NEXN: variants seen among roughly 807,000 people sequenced by gnomAD.
NEXN encodes the protein nexilin.
Under a neutral mutation model 92.6 loss-of-function variants are expected in NEXN, and 65 were observed. The observed-to-expected ratio is 0.70, with a 90% CI of 0.57 to 0.86. The LOEUF (loss-of-function observed/expected upper bound fraction) is 0.86, where lower values mean the gene tolerates loss of function less well. Among genes scored for constraint, NEXN ranks in the 40% least tolerant of loss-of-function variants. The pLI is 0.00. For missense variants in NEXN, 778 were observed against 771.1 expected (o/e 1.01, Z -0.11); for synonymous variants, 254 against 242.5 (o/e 1.05, Z -0.44).
intron 9 of NEXN, among the ~76,000 whole-genome samples, chr1:77,932,696 CTT>C (rs1372854648): frequency 7.3e-6 from 1 of 137,724 alleles, no homozygotes; most frequent in Non-Finnish European, 1.5e-5. Context: ...TAAATTATTT[CTT>C]TGTCTTCACT....
rs754782491 is a variant in NEXN, at chr1:77,929,285, A to G, written c.865-31A>G. The G allele has an allele frequency of 2.7e-6, 4 of 1,456,430 alleles. No individual in the cohort carries two copies. The African/African-American group carries it at 4.2e-5, about 15-fold the overall frequency. The allele number at this position is 1,456,430 out of a possible 1,614,324, so 90.2% of individuals were successfully genotyped here. A position where few individuals can be genotyped will look rare whatever the true frequency, so the allele number is the denominator to read the frequency against. ...TCATTCCTTTTTCTGATGAACCTCAATTCTTAGTAATGAATTGTTTATTTG... is the reference window on the plus strand; with the variant it reads ...TCATTCCTTTTTCTGATGAACCTCAGTTCTTAGTAATGAATTGTTTATTTG... On this transcript the variant is annotated intron_variant, in intron 8 of 12. Transcript: ENST00000334785.
intron 1 of NEXN, among the ~76,000 whole-genome samples, chr1:77,890,490 T>G (rs1469601279): frequency 6.6e-6 from 1 of 152,216 alleles, no homozygotes; most frequent in African/African-American, 2.4e-5. Flanking sequence ...ATTGTCAAAA[T>G]GTATGTCATC....
At chr1:77,916,532 T>C (rs1188914869) in intron 2 of NEXN, among the ~76,000 whole-genome samples, 1 of 152,184 alleles carries the variant, frequency 6.6e-6, no homozygotes, top group Non-Finnish European at 1.5e-5. Context: ...GCCTTATATA[T>C]ATATTTTAAT....
rs727503344 is a variant in NEXN at position 77,942,445 on chromosome 1, ATTTAT to A, written c.1660-11_1660-7del. The A allele has an allele frequency of 2.4e-5, 39 of 1,611,374 alleles. 1 individual carries two copies. Among genetic ancestry groups the A allele is most frequent in the Non-Finnish European group, 3.0e-5 (35 of 1,178,084 alleles). On this transcript the variant is annotated splice_polypyrimidine_tract_variant and intron_variant, in intron 12 of 12. Transcript: ENST00000334785. ...ATACTATAAATGCCAACCTGAATGC[ATTTAT>A]TTTAATACAGAAAAGAGAAGAGGAG...
chr1:77,929,059 T>C (rs1045000291), intron 8 of NEXN, among the ~76,000 whole-genome samples: 7 of 152,252 alleles, frequency 4.6e-5, no homozygotes, highest in African/African-American at 1.4e-4. Flanking sequence ...AAAAATGTTT[T>C]AATATTCAAT....
chr1:77,890,865 A>G (rs1190971522), intron 1 of NEXN, among the ~76,000 whole-genome samples: 1 of 152,206 alleles, frequency 6.6e-6, no homozygotes, highest in Non-Finnish European at 1.5e-5. Flanking sequence ...TTTTTATAGA[A>G]GAGAGGACTG....
In NEXN at chr1:77,911,739, T is replaced by TTATA. The variant is rs34038877; in HGVS notation, c.-52-4297_-52-4294dup. On this transcript the variant is annotated intron_variant, in intron 1 of 12. Transcript: ENST00000334785. ...GGTCCTATCCCCAAGATAGCCTGTT[T>TTATA]TATATATATATATATATATATACAC... Among the ~76,000 whole-genome samples, 123 of 148,442 alleles carry TTATA rather than the reference T, an allele frequency of 8.3e-4. 1 individual carries two copies. The highest frequency in any genetic ancestry group is 3.5e-3 in the Middle Eastern group (1 of 282).
chr1:77,916,008 T>C (rs1453129592), intron 1 of NEXN, 47 bp from the exon 2 acceptor site: 4 of 610,000 alleles, frequency 6.6e-6, no homozygotes, highest in Non-Finnish European at 7.1e-6. Context: ...ATACATAATA[T>C]ATTACAAATA....
intron 1 of NEXN, among the ~76,000 whole-genome samples, chr1:77,910,748 C>CAAAA (rs751080251): frequency 2.8e-4 from 12 of 42,806 alleles, no homozygotes; most frequent in African/African-American, 6.0e-4. Flanking sequence ...GAGACTGTCT[C>CAAAA]AAAAAAAAAA....
chr1:77,896,752 C>T (rs1647277398), intron 1 of NEXN, among the ~76,000 whole-genome samples: 1 of 151,060 alleles, frequency 6.6e-6, no homozygotes, highest in African/African-American at 2.4e-5. Context: ...GAGCAAGACT[C>T]TGTCTAATTA....
At chr1:77,891,511 T>C (rs900637959) in intron 1 of NEXN, among the ~76,000 whole-genome samples, 7 of 151,896 alleles carry the variant, frequency 4.6e-5, no homozygotes, top group Admixed American at 4.6e-4. Context: ...GACAAGCAGA[T>C]TGGGGCTCCC....
At chr1:77,920,207 T>C (rs1485783064) in intron 5 of NEXN, among the ~76,000 whole-genome samples, 1 of 152,188 alleles carries the variant, frequency 6.6e-6, no homozygotes, top group Non-Finnish European at 1.5e-5. Context: ...AGTAATTTTA[T>C]CTTGTAAATA....
intron 5 of NEXN, among the ~76,000 whole-genome samples, chr1:77,921,377 T>C (rs1446201517): frequency 6.6e-6 from 1 of 152,170 alleles, no homozygotes; most frequent in East Asian, 1.9e-4. Context: ...GAAAGTTGAG[T>C]TAATAAATTT....
chr1:77,942,277 A>G, intron 12 of NEXN, 69 bp downstream of exon 12: 5 of 1,526,418 alleles, frequency 3.3e-6, no homozygotes, highest in Non-Finnish European at 4.5e-6. Context: ...ATAATTAGGT[A>G]GGTTAAAAAA....
intron 1 of NEXN, among the ~76,000 whole-genome samples, chr1:77,893,670 A>G (rs925265699): frequency 6.6e-6 from 1 of 152,132 alleles, no homozygotes. Flanking sequence ...CACTAAAACT[A>G]TAGAGAGGAA....
intron 11 of NEXN, among the ~76,000 whole-genome samples, chr1:77,936,838 G>A (rs1299887351): frequency 1.3e-5 from 2 of 152,198 alleles, no homozygotes; most frequent in Non-Finnish European, 2.9e-5. Context: ...GAATTTGGGA[G>A]GGCCTTCAGA....
At chr1:77,898,760 C>T (rs12402013) in intron 1 of NEXN, among the ~76,000 whole-genome samples, 36,323 of 152,030 alleles carry the variant, frequency 0.24, 5,656 homozygotes, top group Non-Finnish European at 0.35. Flanking sequence ...GCAACCTACT[C>T]ATCTGACAAA....
chr1:77,893,471 TCACCCC>T (rs1647153240), intron 1 of NEXN, among the ~76,000 whole-genome samples: 2 of 152,158 alleles, frequency 1.3e-5, no homozygotes, highest in Admixed American at 1.3e-4. Flanking sequence ...TAGCATAAAT[TCACCCC>T]ATTTTATTTT....
At chr1:77,905,771 T>C (rs1309319525) in intron 1 of NEXN, among the ~76,000 whole-genome samples, 1 of 152,150 alleles carries the variant, frequency 6.6e-6, no homozygotes, top group African/African-American at 2.4e-5. Context: ...TAACCTAGTC[T>C]TGTGGAATCA....
Sources: gnomAD v4.1 joint callset for allele counts (sites outside exome capture counted in the v4.1 genomes callset) on GRCh38, gnomAD v4.1.1 for gene constraint, MANE v1.5 for transcripts, NCBI Gene and HGNC (gene_info 2026-07-23, HGNC 2026-07-21) for gene names.